BANK1: variants seen among roughly 807,000 people sequenced by gnomAD.
BANK1 encodes the protein B-cell scaffold protein with ankyrin repeats.
In BANK1, 95 loss-of-function variants were observed where a neutral mutation model predicts 94.5. The ratio of observed to expected loss-of-function variants is 1.00; its 90% confidence interval spans 0.85 to 1.19. The LOEUF (loss-of-function observed/expected upper bound fraction) is 1.19, where lower values mean the gene tolerates loss of function less well. Among genes scored for constraint, BANK1 ranks in the 50% most tolerant of loss-of-function variants. The probability of loss-of-function intolerance (pLI) is 0.00; values close to 1 mark genes in which losing one functional copy is unlikely to be tolerated. For synonymous variants in BANK1, 334 were observed against 308.4 expected (o/e 1.08, Z -0.87); for missense variants, 987 against 932.2 (o/e 1.06, Z -0.77).
intron 11 of BANK1, among the ~76,000 whole-genome samples, chr4:102,046,474 A>C (rs2510445): frequency 0.68 from 102,846 of 151,924 alleles, 35,668 homozygotes; most frequent in African/African-American, 0.83. Flanking sequence ...AAGAAAAATT[A>C]TCTAAGATGC....
intron 2 of BANK1, among the ~76,000 whole-genome samples, chr4:101,848,774 G>A (rs1030775860): frequency 6.6e-6 from 1 of 152,158 alleles, no homozygotes; most frequent in South Asian, 2.1e-4. Flanking sequence ...TTAATATACA[G>A]CCTCTTTTTC....
chr4:101,925,418 A>G (rs997000665), intron 7 of BANK1, among the ~76,000 whole-genome samples: 9 of 151,758 alleles, frequency 5.9e-5, no homozygotes, highest in Non-Finnish European at 1.3e-4. Context: ...TTGATTACCT[A>G]TGCCTCAGTA....
At chr4:101,953,369 A>G (rs2851328) in intron 7 of BANK1, among the ~76,000 whole-genome samples, 51,143 of 151,942 alleles carry the variant, frequency 0.34, 9,741 homozygotes, top group Non-Finnish European at 0.43. Flanking sequence ...TTTTCCCACA[A>G]CTGAGGCATC....
chr4:101,912,589 T>C (rs1267487543), intron 6 of BANK1, among the ~76,000 whole-genome samples: 1 of 148,370 alleles, frequency 6.7e-6, no homozygotes, highest in Non-Finnish European at 1.5e-5. Flanking sequence ...ATGTATTGAA[T>C]ATATAGATTA....
chr4:101,910,230 T>G (rs1722616994), intron 6 of BANK1, among the ~76,000 whole-genome samples: 1 of 152,230 alleles, frequency 6.6e-6, no homozygotes, highest in Non-Finnish European at 1.5e-5. Flanking sequence ...TCACAAATTT[T>G]TATATGATGC....
chr4:101,915,998 A>G (rs1410348861), intron 6 of BANK1, among the ~76,000 whole-genome samples: 8 of 152,062 alleles, frequency 5.3e-5, no homozygotes, highest in African/African-American at 1.9e-4. Context: ...GATTTCAAAT[A>G]CTATTATGAA....
chr4:101,831,721 C>T (rs1726628817), intron 2 of BANK1, among the ~76,000 whole-genome samples: 1 of 152,208 alleles, frequency 6.6e-6, no homozygotes, highest in Non-Finnish European at 1.5e-5. Context: ...GTGATCAGCC[C>T]ACCTTGGCCT....
chr4:102,012,876 T>A (rs1726557619), intron 7 of BANK1, among the ~76,000 whole-genome samples: 1 of 152,106 alleles, frequency 6.6e-6, no homozygotes, highest in South Asian at 2.1e-4. Context: ...TAAACCTGGG[T>A]TCCTGTTCAC....
chr4:101,966,825 A>G (rs1246308580), intron 7 of BANK1, among the ~76,000 whole-genome samples: 1 of 152,050 alleles, frequency 6.6e-6, no homozygotes, highest in African/African-American at 2.4e-5. Context: ...ATCTTAGCCT[A>G]ATGTTGGTAA....
chr4:101,809,550 A>G (rs1725672884), intron 1 of BANK1, among the ~76,000 whole-genome samples: 1 of 152,136 alleles, frequency 6.6e-6, no homozygotes, highest in Admixed American at 6.5e-5. Flanking sequence ...AAATGCCAGT[A>G]ATAAAGAGTA....
chr4:102,039,273 T>G (rs1437377456), intron 10 of BANK1, among the ~76,000 whole-genome samples: 1 of 152,170 alleles, frequency 6.6e-6, no homozygotes, highest in Non-Finnish European at 1.5e-5. Context: ...TAATAACCTA[T>G]AAATACTGCT....
At chr4:102,001,483 C>T (rs146151764) in intron 7 of BANK1, among the ~76,000 whole-genome samples, 2,098 of 152,174 alleles carry the variant, frequency 0.014, 59 homozygotes, top group African/African-American at 0.048. Context: ...GCCTGTAGTC[C>T]CAGCTGCTTG....
At chr4:101,791,090 C>T (rs1040597025) in intron 1 of BANK1, 140 bp downstream of exon 1, 1 of 716,118 alleles carries the variant, frequency 1.4e-6, no homozygotes, top group Non-Finnish European at 2.2e-6. Flanking sequence ...CCTTTTTATC[C>T]TGCCGCCAGG....
intron 6 of BANK1, among the ~76,000 whole-genome samples, chr4:101,900,266 G>A (rs1722230531): frequency 6.6e-6 from 1 of 152,130 alleles, no homozygotes; most frequent in Non-Finnish European, 1.5e-5. Context: ...GAGTAACAGA[G>A]TAATAAAACA....
intron 2 of BANK1, among the ~76,000 whole-genome samples, chr4:101,836,621 T>C (rs1379253827): frequency 1.3e-5 from 2 of 152,270 alleles, no homozygotes; most frequent in African/African-American, 4.8e-5. Flanking sequence ...TGGTACAGTT[T>C]GGTTTTTCTC....
chr4:102,070,723 G>A (rs1345378224), intron 13 of BANK1, among the ~76,000 whole-genome samples: 8 of 152,224 alleles, frequency 5.3e-5, no homozygotes, highest in Non-Finnish European at 8.8e-5. Flanking sequence ...CTCCCACCTC[G>A]CTCATGCCTG....
chr4:102,003,961 G>A lies in BANK1; in HGVS notation c.1207-17553G>A, dbSNP rs542823155. Among the ~76,000 whole-genome samples the A allele has an allele frequency of 1.5e-3, 219 of 150,816 alleles. 1 individual carries two copies. The highest frequency in any genetic ancestry group is 6.9e-3 in the Middle Eastern group (2 of 290). ...TATACGTATATATACACACATATAT[G>A]TGTATACATCTATATACATACACAT... On this transcript the variant is annotated intron_variant, in intron 7 of 16. Transcript: ENST00000322953.
chr4:101,889,508 GAATGGCGTGAAC>G (rs201816562), intron 5 of BANK1, among the ~76,000 whole-genome samples: 16,783 of 144,754 alleles, frequency 0.12, 1,660 homozygotes, highest in African/African-American at 0.28. Flanking sequence ...TGAGGCAGGA[GAATGGCGTGAAC>G]CCGGGAAGCG....
chr4:101,837,058 G>A lies in BANK1; in HGVS notation c.469+6852G>A, dbSNP rs115916733. On this transcript the variant is annotated intron_variant, in intron 2 of 16. Transcript: ENST00000322953. ...CACATACTAAATTATGGGGCTCTAC[G>A]TCACCTATGGAATAAAGTCAAAATA... Among the ~76,000 whole-genome samples, 585 of 152,146 alleles carry A rather than the reference G, an allele frequency of 3.8e-3. 4 individuals carry two copies. The highest frequency in any genetic ancestry group is 0.013 in the African/African-American group (551 of 41,504).
Sources: gnomAD v4.1 joint callset for allele counts (sites outside exome capture counted in the v4.1 genomes callset) on GRCh38, gnomAD v4.1.1 for gene constraint, MANE v1.5 for transcripts, NCBI Gene and HGNC (gene_info 2026-07-23, HGNC 2026-07-21) for gene names.